The following CHN2 variants were observed in gnomAD, a reference collection of about 807,000 sequenced individuals.
CHN2 encodes chimerin 2.
CHN2 carries 35 observed loss-of-function variants against 56.3 expected under a neutral mutation model. The observed-to-expected ratio is 0.62, with a 90% CI of 0.47 to 0.82. CHN2 has a LOEUF of 0.82. CHN2 is among the 40% of genes least tolerant of loss of function. The pLI is 0.00. For synonymous variants in CHN2, 210 were observed against 212.8 expected, an observed-to-expected ratio of 0.99 and a Z score of 0.12; for missense variants, 491 against 580.5, an observed-to-expected ratio of 0.85 and a Z score of 1.58.
At chr7:29,353,560 A>G (rs1798049031) in intron 1 of CHN2, among the ~76,000 whole-genome samples, 1 of 152,176 alleles carries the variant, frequency 6.6e-6, no homozygotes, top group African/African-American at 2.4e-5. Flanking sequence ...AGACTGAGGC[A>G]GGAGAATCAC....
intron 1 of CHN2, among the ~76,000 whole-genome samples, chr7:29,284,613 G>A (rs995608399): frequency 2.0e-5 from 3 of 152,144 alleles, no homozygotes; most frequent in Admixed American, 6.5e-5. Flanking sequence ...CAGTCTCAGC[G>A]AAGTGAATTC....
At chr7:29,219,737 A>G (rs898521442) in intron 1 of CHN2, among the ~76,000 whole-genome samples, 15 of 152,218 alleles carry the variant, frequency 9.9e-5, no homozygotes, top group Admixed American at 5.9e-4. Context: ...AGTAGACTTT[A>G]ATGCAAAAAT....
chr7:29,329,321 G>GGAAGAA (rs1017481788), intron 1 of CHN2, among the ~76,000 whole-genome samples: 1 of 127,768 alleles, frequency 7.8e-6, no homozygotes, highest in African/African-American at 3.1e-5. Context: ...CAAACAGACA[G>GGAAGAA]GAAGAGTTTA....
At chr7:29,458,217 T>C (rs1784904884) in intron 6 of CHN2, among the ~76,000 whole-genome samples, 1 of 152,210 alleles carries the variant, frequency 6.6e-6, no homozygotes, top group South Asian at 2.1e-4. Context: ...TGTTGTATAA[T>C]TGAAGCCTAG....
chr7:29,193,306 T>G (rs758002699), upstream of CHN2: 14 of 152,174 alleles, frequency 9.2e-5, no homozygotes, highest in Non-Finnish European at 2.9e-5. Flanking sequence ...CGTGGGTGCG[T>G]ACTGTGATTA....
chr7:29,359,678 T>A (rs1798578936), intron 2 of CHN2, among the ~76,000 whole-genome samples: 1 of 152,212 alleles, frequency 6.6e-6, no homozygotes, highest in Non-Finnish European at 1.5e-5. Context: ...GAAACATTGA[T>A]GACGTCACTG....
At position 29,431,202 on chromosome 7, in the gene CHN2, G is replaced by C. The variant is rs577027168; in HGVS notation, c.576+30374G>C. ...GCTCCTGGGATAAATGCTCTGTTATGCCCCCTGACTTTTCTAGCCACTTGT... is the reference window on the plus strand; with the variant it reads ...GCTCCTGGGATAAATGCTCTGTTATCCCCCCTGACTTTTCTAGCCACTTGT... On this transcript the variant is annotated intron_variant, in intron 6 of 12. Coordinates refer to ENST00000222792, the MANE Select transcript of CHN2 (RefSeq NM_004067.4). Among the ~76,000 whole-genome samples the C allele has an allele frequency of 7.9e-5, 12 of 152,236 alleles. No individual in the cohort carries two copies. The East Asian group carries it at 2.1e-3, about 27-fold the overall frequency.
chr7:29,208,917 A>T (rs1349949525), intron 1 of CHN2: 1 of 152,164 alleles, frequency 6.6e-6, no homozygotes, highest in African/African-American at 2.4e-5. Flanking sequence ...CAGGGTCAAG[A>T]TGACAATAGC....
chr7:29,223,678 TAG>T (rs1785973120), intron 1 of CHN2, among the ~76,000 whole-genome samples: 2 of 152,194 alleles, frequency 1.3e-5, no homozygotes, highest in African/African-American at 4.8e-5. Flanking sequence ...CTGTGATTGA[TAG>T]ACTCTTGGGT....
At chr7:29,254,577 C>T (rs950778094) in intron 1 of CHN2, among the ~76,000 whole-genome samples, 1 of 152,152 alleles carries the variant, frequency 6.6e-6, no homozygotes, top group African/African-American at 2.4e-5. Flanking sequence ...TGACTTATGA[C>T]AGGGTTTTAG....
intron 7 of CHN2, among the ~76,000 whole-genome samples, chr7:29,481,047 T>A (rs1787159635): frequency 6.6e-6 from 1 of 152,228 alleles, no homozygotes; most frequent in South Asian, 2.1e-4. Flanking sequence ...AGAAGGGGCC[T>A]GCCATCAGAA....
chr7:29,347,184 C>T (rs1264189392), intron 1 of CHN2, among the ~76,000 whole-genome samples: 1 of 152,074 alleles, frequency 6.6e-6, no homozygotes, highest in Non-Finnish European at 1.5e-5. Context: ...CATTCTTGTA[C>T]CCGTTGCTGA....
At chr7:29,197,780 A>G (rs1783858954) in intron 1 of CHN2, 1 of 356,408 alleles carries the variant, frequency 2.8e-6, no homozygotes. Context: ...AAACATGCAA[A>G]CAGCAACCTC....
intron 2 of CHN2, among the ~76,000 whole-genome samples, chr7:29,168,977 C>A (rs962680199): frequency 1.3e-5 from 2 of 152,064 alleles, no homozygotes; most frequent in Non-Finnish European, 2.9e-5. Context: ...ATAATAAATT[C>A]TATTTGATGA....
intron 2 of CHN2, among the ~76,000 whole-genome samples, chr7:29,167,159 A>C (rs12538203): frequency 0.17 from 25,143 of 152,154 alleles, 2,400 homozygotes; most frequent in African/African-American, 0.25. Flanking sequence ...CAAAGGTACA[A>C]TATCTTGAAT....
Position 29,246,253 on chromosome 7 carries a change from G to T in CHN2, c.49+51263G>T, listed in dbSNP as rs142340587. 4.5e-4 allele frequency among the ~76,000 whole-genome samples: 68 copies of T among 152,248 alleles called. 1 individual carries two copies. The Middle Eastern group carries it at 0.014, about 30-fold the overall frequency. ...TTACTTCTTGTCTCAGGCAGAACCG[G>T]AGAGGTTCCCAGAGATCTCTTGTCT... is the stretch of plus-strand genomic sequence containing the variant. On this transcript the variant is annotated intron_variant, in intron 1 of 12. Coordinates refer to ENST00000222792, the MANE Select transcript of CHN2 (RefSeq NM_004067.4).
chr7:29,378,153 A>G (rs1256506678), intron 3 of CHN2, among the ~76,000 whole-genome samples: 1 of 152,254 alleles, frequency 6.6e-6, no homozygotes, highest in Non-Finnish European at 1.5e-5. Context: ...GATGCAGCTC[A>G]GACTCCTTAG....
chr7:29,226,078 T>A (rs2128796399), intron 1 of CHN2, among the ~76,000 whole-genome samples: 1 of 152,338 alleles, frequency 6.6e-6, no homozygotes, highest in Middle Eastern at 3.4e-3. Flanking sequence ...TTAAATAACC[T>A]TTCTTCTTAA....
intron 6 of CHN2, among the ~76,000 whole-genome samples, chr7:29,420,085 A>G (rs2128105020): frequency 6.6e-6 from 1 of 151,454 alleles, no homozygotes; most frequent in African/African-American, 2.4e-5. Context: ...ATTATCTCAC[A>G]CCTATTAGGA....
Sources: gnomAD v4.1 joint callset for allele counts (sites outside exome capture counted in the v4.1 genomes callset) on GRCh38, gnomAD v4.1.1 for gene constraint, MANE v1.5 for transcripts, NCBI Gene and HGNC (gene_info 2026-07-23, HGNC 2026-07-21) for gene names.